C16orf89: variants seen among roughly 807,000 people sequenced by gnomAD.
The protein encoded by C16orf89 is chromosome 16 open reading frame 89, also known as UPF0764 protein C16orf89.
In C16orf89, 57 loss-of-function variants were observed where a neutral mutation model predicts 41.5. The observed-to-expected ratio is 1.38, with a 90% CI of 1.11 to 1.71. The LOEUF (loss-of-function observed/expected upper bound fraction) is 1.71, where lower values mean the gene tolerates loss of function less well. C16orf89 is among the 40% of genes most tolerant of loss of function. The probability of loss-of-function intolerance (pLI) is 0.00; values close to 1 mark genes in which losing one functional copy is unlikely to be tolerated. For synonymous variants in C16orf89, 223 were observed against 190.6 expected, an observed-to-expected ratio of 1.17 and a Z score of -1.40; for missense variants, 575 against 445.9, an observed-to-expected ratio of 1.29 and a Z score of -2.61.
intron 7 of C16orf89, 63 bp from the exon 8 acceptor site, chr16:5,044,541 T>A: frequency 1.2e-6 from 2 of 1,602,404 alleles, no homozygotes; most frequent in Non-Finnish European, 1.7e-6. Flanking sequence ...TTCAACACAG[T>A]CTCATTGAAA....
intron 2 of C16orf89, 52 bp downstream of exon 2, chr16:5,062,373 T>C (rs377254439): frequency 2.0e-6 from 3 of 1,538,310 alleles, no homozygotes; most frequent in African/African-American, 2.7e-5. Context: ...TTTCAGTCAA[T>C]ATCCCCATAG....
chr16:5,055,399 C>G, intron 5 of C16orf89, 49 bp from the exon 6 acceptor site: 2 of 1,461,340 alleles, frequency 1.4e-6, no homozygotes, highest in Non-Finnish European at 1.9e-6. Context: ...CCAGGCCCAC[C>G]TCCTCCCACT....
Position 5,062,508 on chromosome 16 carries a change from AC to A in C16orf89, c.274del (p.Val92TrpfsTer21). On this transcript the variant is annotated frameshift_variant, in exon 2 of 8. Transcript: ENST00000472572. LOFTEE classifies it high-confidence loss of function. Reference sequence around the variant, plus strand: ...CTCCAGCTTCTCCCCCAGCATCCCCACGCGCAGGCTCAGCGGCTGCAGCAGG... The same window carrying A: ...CTCCAGCTTCTCCCCCAGCATCCCCAGCGCAGGCTCAGCGGCTGCAGCAGG... ...EPLLQPLSLRVGMLGEKLEAA... is the reference protein window; with the variant it reads ...EPLLQPLSLRXGMLGEKLEAA... The A allele has an allele frequency of 6.2e-7, 1 of 1,613,938 alleles. No homozygotes were observed. Among genetic ancestry groups the A allele is most frequent in the Non-Finnish European group, 8.5e-7 (1 of 1,179,910 alleles).
At chr16:5,064,457 C>G (rs1483637077) in intron 1 of C16orf89, among the ~76,000 whole-genome samples, 1 of 152,214 alleles carries the variant, frequency 6.6e-6, no homozygotes, top group Non-Finnish European at 1.5e-5. Context: ...TCATGAGACA[C>G]ATGTGCATGA....
chr16:5,061,814 G>A (rs1351266213), intron 2 of C16orf89, among the ~76,000 whole-genome samples: 1 of 152,124 alleles, frequency 6.6e-6, no homozygotes. Context: ...GAGGGGACAG[G>A]GTTGGAGCAG....
intron 7 of C16orf89, among the ~76,000 whole-genome samples, chr16:5,047,544 T>C (rs1257564423): frequency 3.3e-5 from 5 of 151,856 alleles, no homozygotes; most frequent in African/African-American, 1.2e-4. Flanking sequence ...CTCAGCTCAC[T>C]GAAGCCTCCA....
chr16:5,044,217 G>T lies in C16orf89; in HGVS notation c.*131C>A, dbSNP rs550201506. 4.8e-5 allele frequency: 68 copies of T among 1,419,092 alleles called. No homozygotes were observed. The South Asian group carries it at 1.1e-3, about 22-fold the overall frequency. The allele number at this position is 1,419,092 out of a possible 1,614,324, so 87.9% of individuals were successfully genotyped here. A position where few individuals can be genotyped will look rare whatever the true frequency, so the allele number is the denominator to read the frequency against. On this transcript the variant is annotated 3_prime_UTR_variant, in exon 8 of 8. Coordinates refer to ENST00000472572, the MANE Select transcript of C16orf89 (RefSeq NM_001098514.3). ...GCCTACTCAGGGCTTCCAAGATTGG[G>T]TGTCGGGGTGGCTTTGCTTATCCTC...
intron 6 of C16orf89, among the ~76,000 whole-genome samples, chr16:5,050,839 A>G (rs1956382590): frequency 6.6e-6 from 1 of 152,246 alleles, no homozygotes; most frequent in Non-Finnish European, 1.5e-5. Flanking sequence ...TGCATTTTAA[A>G]AAAAATCATT....
chr16:5,060,886 C>G lies in C16orf89; in HGVS notation c.359-450G>C, dbSNP rs1956604163. On this transcript the variant is annotated intron_variant, in intron 2 of 7. Coordinates refer to ENST00000472572, the MANE Select transcript of C16orf89 (RefSeq NM_001098514.3). ...TGGTGGTGTGCACCTGTAGTCCCAG[C>G]TGAGGCAGGAAGGTTGCTTGAGTCT... Among the ~76,000 whole-genome samples the G allele has an allele frequency of 1.4e-5, 2 of 147,744 alleles. 1 individual carries two copies. Among genetic ancestry groups the G allele is most frequent in the Admixed American group, 1.4e-4 (2 of 14,760 alleles).
chr16:5,059,137 G>C (rs1257993099), intron 3 of C16orf89, among the ~76,000 whole-genome samples: 1 of 152,084 alleles, frequency 6.6e-6, no homozygotes, highest in Non-Finnish European at 1.5e-5. Context: ...CTACTCGGGA[G>C]GCTGAGGCAG....
chr16:5,045,554 G>C (rs938941891), intron 7 of C16orf89, among the ~76,000 whole-genome samples: 1 of 152,132 alleles, frequency 6.6e-6, no homozygotes, highest in African/African-American at 2.4e-5. Flanking sequence ...GTTGAAGGGA[G>C]GGAGAATGCA....
chr16:5,048,047 G>A (rs893011283), intron 6 of C16orf89, 83 bp from the exon 7 acceptor site: 3 of 781,444 alleles, frequency 3.8e-6, no homozygotes, highest in Non-Finnish European at 6.4e-6. Context: ...TTTTATTGTA[G>A]AGACAGGGTC....
intron 7 of C16orf89, among the ~76,000 whole-genome samples, chr16:5,045,733 T>G (rs1000619006): frequency 2.0e-5 from 3 of 152,114 alleles, no homozygotes; most frequent in African/African-American, 7.2e-5. Context: ...TTGTGTGACT[T>G]TCGCAGCAAG....
intron 2 of C16orf89, among the ~76,000 whole-genome samples, chr16:5,061,973 A>G (rs1956636161): frequency 6.6e-6 from 1 of 152,126 alleles, no homozygotes; most frequent in South Asian, 2.1e-4. Context: ...GATAAACCCC[A>G]CTGTTTTGAA....
At chr16:5,050,291 C>T (rs746187630) in intron 6 of C16orf89, among the ~76,000 whole-genome samples, 8 of 151,994 alleles carry the variant, frequency 5.3e-5, no homozygotes, top group Non-Finnish European at 1.0e-4. Context: ...TCACTTGAAC[C>T]CGGGAGGTGG....
chr16:5,055,949 GT>G, intron 5 of C16orf89, 103 bp downstream of exon 5: 1 of 206,922 alleles, frequency 4.8e-6, no homozygotes. Flanking sequence ...GTGTGTGTGT[GT>G]GTGTGTGTGT....
chr16:5,046,030 C>A (rs1369190276), intron 7 of C16orf89, among the ~76,000 whole-genome samples: 1 of 152,182 alleles, frequency 6.6e-6, no homozygotes, highest in Non-Finnish European at 1.5e-5. Context: ...CCCTACCACC[C>A]TAGCCATAGG....
chr16:5,063,634 G>T (rs572860336), intron 1 of C16orf89, among the ~76,000 whole-genome samples: 1 of 152,318 alleles, frequency 6.6e-6, no homozygotes, highest in African/African-American at 2.4e-5. Flanking sequence ...TCTCACAGGA[G>T]TGTGAACCCT....
In C16orf89 at chr16:5,065,851, A is replaced by G; in HGVS notation, c.58T>C (p.Ser20Pro). 6.2e-7 allele frequency: 1 copy of G among 1,614,196 alleles called. No individual in the cohort carries two copies. Among genetic ancestry groups the G allele is most frequent in the South Asian group, 1.1e-5 (1 of 91,084 alleles). The change falls in exon 1 of 8, where the codon TCC becomes CCC. Residue 20 changes from serine to proline, a missense_variant. Transcript: ENST00000472572. ...LLLTALPPLWSSSLPGLDTAE... is the reference protein window; with the variant it reads ...LLLTALPPLWPSSLPGLDTAE... ...GTGTCCAGCCCAGGCAGTGAGGAGGACCACAGCGGTGGCAGTGCTGTCAGT... is the reference window on the plus strand; with the variant it reads ...GTGTCCAGCCCAGGCAGTGAGGAGGGCCACAGCGGTGGCAGTGCTGTCAGT...
Sources: allele counts gnomAD v4.1 joint callset (sites outside exome capture counted in the v4.1 genomes callset), GRCh38; gene constraint gnomAD v4.1.1; transcripts MANE v1.5; gene names NCBI Gene and HGNC (gene_info 2026-07-23, HGNC 2026-07-21).